Variants in TUSC3 observed in about 807,000 individuals in gnomAD.
TUSC3 encodes the protein dolichyl-diphosphooligosaccharide--protein glycosyltransferase subunit TUSC3.
In TUSC3, 45 loss-of-function variants were observed where a neutral mutation model predicts 44.8. The observed-to-expected ratio is 1.00, with a 90% CI of 0.79 to 1.29. The LOEUF (loss-of-function observed/expected upper bound fraction) is 1.29. TUSC3 is among the 50% of genes most tolerant of loss of function. The pLI is 0.00. For synonymous variants in TUSC3, 212 were observed against 152.9 expected (o/e 1.39, Z -2.85); for missense variants, 519 against 437.9 (o/e 1.19, Z -1.65).
chr8:15,429,618 T>C (rs184371441), intron 1 of TUSC3, among the ~76,000 whole-genome samples: 1,890 of 151,764 alleles, frequency 0.012, 83 homozygotes, highest in African/African-American at 0.044. Context: ...CATGGACTGT[T>C]CTTCCATTTG....
In TUSC3 at chr8:15,475,668, CA is replaced by C. The variant is rs147045238; in HGVS notation, n.92-7717del. On this transcript the variant is annotated intron_variant and non_coding_transcript_variant, in intron 1 of 5. Coordinates refer to the TUSC3 transcript ENST00000503191. ...ATGCCATTACAGTAGCTGTTTTTTA[CA>C]TAATCATTTTGGTTTTACATGAAGA... 8.4e-3 allele frequency among the ~76,000 whole-genome samples: 1,280 copies of C among 152,208 alleles called. 6 individuals are homozygous for C. The highest frequency in any genetic ancestry group is 0.02 in the Middle Eastern group (6 of 294).
chr8:15,727,349 T>G (rs892248353), intron 6 of TUSC3, among the ~76,000 whole-genome samples: 1 of 152,182 alleles, frequency 6.6e-6, no homozygotes, highest in Non-Finnish European at 1.5e-5. Context: ...AGTAATCTCT[T>G]TGTTGCACAT....
chr8:15,700,799 A>G (rs1809361788), intron 6 of TUSC3, among the ~76,000 whole-genome samples: 1 of 146,696 alleles, frequency 6.8e-6, no homozygotes, highest in Non-Finnish European at 1.5e-5. Context: ...TCTGAAAAAG[A>G]ATGTTTGTTG....
chr8:15,658,101 C>T (rs1272081257), intron 3 of TUSC3, among the ~76,000 whole-genome samples: 3 of 152,156 alleles, frequency 2.0e-5, no homozygotes, highest in African/African-American at 7.2e-5. Flanking sequence ...AGATTTTCAA[C>T]ATGAGTTTTG....
At chr8:15,427,863 T>C (rs1056298494) in intron 1 of TUSC3, among the ~76,000 whole-genome samples, 2 of 152,208 alleles carry the variant, frequency 1.3e-5, no homozygotes, top group African/African-American at 2.4e-5. Context: ...TGTTTTCTTC[T>C]GGTAGTTGTA....
intron 1 of TUSC3, among the ~76,000 whole-genome samples, chr8:15,459,850 G>A (rs572857205): frequency 6.7e-6 from 1 of 148,880 alleles, no homozygotes; most frequent in Admixed American, 6.7e-5. Context: ...GTGTGTGTGT[G>A]TGTGTATGTG....
the TUSC3 span, among the ~76,000 whole-genome samples, chr8:15,793,997 A>G: frequency 6.6e-6 from 1 of 152,096 alleles, no homozygotes; most frequent in South Asian, 2.1e-4. Context: ...CCTCCTAAAG[A>G]AGAAAGAGTC....
At chr8:15,799,438 T>C in the TUSC3 span, among the ~76,000 whole-genome samples, 22 of 152,290 alleles carry the variant, frequency 1.4e-4, no homozygotes, top group Admixed American at 1.2e-3. Flanking sequence ...GTGCACCGGA[T>C]TGACCACCAG....
intron 10 of TUSC3, among the ~76,000 whole-genome samples, chr8:15,760,083 T>G (rs1398706629): frequency 6.6e-6 from 1 of 152,156 alleles, no homozygotes; most frequent in Non-Finnish European, 1.5e-5. Context: ...ACATCACTTA[T>G]TGTAGGGTAG....
intron 1 of TUSC3, among the ~76,000 whole-genome samples, chr8:15,568,751 G>C (rs773418203): frequency 2.0e-5 from 3 of 151,498 alleles, no homozygotes; most frequent in Non-Finnish European, 4.4e-5. Context: ...TAAGGTGCCT[G>C]CCACCACACA....
chr8:15,839,542 C>T, the TUSC3 span, among the ~76,000 whole-genome samples: 4 of 152,032 alleles, frequency 2.6e-5, no homozygotes, highest in Admixed American at 6.5e-5. Context: ...AAAAAACAAA[C>T]GACCCCATCA....
chr8:15,703,244 T>C (rs573455087), intron 6 of TUSC3, among the ~76,000 whole-genome samples: 4 of 152,248 alleles, frequency 2.6e-5, no homozygotes, highest in Non-Finnish European at 4.4e-5. Context: ...TAAAGAGATA[T>C]GTAACTTGAG....
chr8:15,643,459 G>T, intron 2 of TUSC3, among the ~76,000 whole-genome samples: 1 of 150,512 alleles, frequency 6.6e-6, no homozygotes, highest in East Asian at 2.0e-4. Context: ...TTCAAAAACT[G>T]AGTGCTAACT....
chr8:15,711,470 G>GTC, intron 6 of TUSC3, among the ~76,000 whole-genome samples: 1 of 74,178 alleles, frequency 1.3e-5, no homozygotes, highest in East Asian at 5.5e-4. Context: ...GTACGTGTGT[G>GTC]TGTGTGTGTG....
intron 1 of TUSC3, among the ~76,000 whole-genome samples, chr8:15,578,744 A>T (rs1803208909): frequency 1.3e-5 from 2 of 152,118 alleles, no homozygotes; most frequent in Non-Finnish European, 2.9e-5. Context: ...TTTTTGCATC[A>T]ATGTTCATCA....
intron 8 of TUSC3, among the ~76,000 whole-genome samples, chr8:15,747,781 C>CACT: frequency 6.6e-6 from 1 of 152,188 alleles, no homozygotes; most frequent in Admixed American, 6.5e-5. Context: ...AATATTTTGA[C>CACT]ACTACTACCT....
chr8:15,444,266 A>G (rs1320023707), intron 1 of TUSC3, among the ~76,000 whole-genome samples: 15 of 152,162 alleles, frequency 9.9e-5, no homozygotes, highest in Non-Finnish European at 2.1e-4. Context: ...TCTTCATGAC[A>G]CTTGTTGAAG....
At chr8:15,570,276 AC>A (rs1802825565) in intron 1 of TUSC3, among the ~76,000 whole-genome samples, 1 of 143,554 alleles carries the variant, frequency 7.0e-6, no homozygotes, top group Admixed American at 6.8e-5. Context: ...ACACACACAC[AC>A]ACACACACAC....
intron 2 of TUSC3, among the ~76,000 whole-genome samples, chr8:15,534,774 C>T (rs1801500491): frequency 6.6e-6 from 1 of 151,958 alleles, no homozygotes; most frequent in Non-Finnish European, 1.5e-5. Context: ...GCCTCATGGT[C>T]AGAACAAATG....
Sources: gnomAD v4.1 joint callset for allele counts (sites outside exome capture counted in the v4.1 genomes callset) on GRCh38, gnomAD v4.1.1 for gene constraint, MANE v1.5 for transcripts, NCBI Gene and HGNC (gene_info 2026-07-23, HGNC 2026-07-21) for gene names.